The following MRPS11 variants were observed in gnomAD, a reference collection of about 807,000 sequenced individuals.
The protein encoded by MRPS11 is mitochondrial ribosomal protein S11, also known as small ribosomal subunit protein uS11m.
Under a neutral mutation model 24.3 loss-of-function variants are expected in MRPS11, and 27 were observed. The ratio of observed to expected loss-of-function variants is 1.11; its 90% CI spans 0.82 to 1.53. The LOEUF (loss-of-function observed/expected upper bound fraction) is 1.53, where lower values mean the gene tolerates loss of function less well. Ranked by LOEUF, MRPS11 falls within the 40% of genes most tolerant of loss-of-function variation. The pLI, the probability that MRPS11 is intolerant of heterozygous loss-of-function variation, is 0.00. For synonymous variants in MRPS11, 104 were observed against 98.7 expected, an observed-to-expected ratio of 1.05 and a Z score of -0.32; for missense variants, 277 against 256.5, an observed-to-expected ratio of 1.08 and a Z score of -0.55.
chr15:88,475,359 T>C lies in MRPS11; in HGVS notation c.411+120T>C. 1 of 1,386,848 alleles carries C rather than the reference T, an allele frequency of 7.2e-7. No individual in the cohort carries two copies. The highest frequency in any genetic ancestry group is 9.8e-7 in the Non-Finnish European group (1 of 1,017,186). 85.9% of individuals were successfully genotyped at this position (1,386,848 alleles called of 1,614,324 possible). ...GAAGCAAGGGTTTGTCATGGCAGCTTTGATGCCCTGATTGGAGCATTGGTT... is the reference window on the plus strand; with the variant it reads ...GAAGCAAGGGTTTGTCATGGCAGCTCTGATGCCCTGATTGGAGCATTGGTT... On this transcript the variant is annotated intron_variant, in intron 4 of 5. Transcript: ENST00000325844. The surrounding 1 kb of genome is among the most constrained non-coding windows in gnomAD (Gnocchi z 4.1).
Position 88,479,485 on chromosome 15 carries a change from G to A in MRPS11, c.*1506G>A, listed in dbSNP as rs2055889872. ...CAGATGCCCCCTTAAATAGGCAAGAGGCTGTGTTAGGACAAAGAAAGGAGG... is the reference window on the plus strand; with the variant it reads ...CAGATGCCCCCTTAAATAGGCAAGAAGCTGTGTTAGGACAAAGAAAGGAGG... On this transcript the variant is annotated 3_prime_UTR_variant, in exon 6 of 6. Transcript: ENST00000325844. 1 of 152,224 alleles carries A rather than the reference G, an allele frequency of 6.6e-6. No individual in the cohort carries two copies. Among genetic ancestry groups the A allele is most frequent in the South Asian group, 2.1e-4 (1 of 4,836 alleles). 9.4% of individuals were successfully genotyped at this position (152,224 alleles called of 1,614,324 possible).
At position 88,477,727 on chromosome 15, in the gene MRPS11, G is replaced by C; in HGVS notation, c.478-145G>C. ...CCTTTGTGAGAGTAGAATAGGATTG[G>C]GATTATAGGTATCAAAGCCAGTGAG... On this transcript the variant is annotated intron_variant, in intron 5 of 5. Transcript: ENST00000325844. This position sits in a 1 kb window ranked among gnomAD's most constrained non-coding sequence, Gnocchi z 5.7. The C allele has an allele frequency of 4.1e-6, 3 of 725,670 alleles. No homozygotes were observed. The highest frequency in any genetic ancestry group is 7.3e-6 in the Non-Finnish European group (3 of 408,420). The allele number at this position is 725,670 out of a possible 1,614,324, so 45.0% of individuals were successfully genotyped here. A position where few individuals can be genotyped will look rare whatever the true frequency, so the allele number is the denominator to read the frequency against.
intron 2 of MRPS11, 95 bp downstream of exon 2, chr15:88,468,119 T>C (rs1315943070): frequency 6.7e-7 from 1 of 1,499,312 alleles, no homozygotes; most frequent in Non-Finnish European, 9.0e-7. Flanking sequence ...TTCAGCTATG[T>C]CACTTGCTAT....
chr15:88,467,978 A>C lies in MRPS11; in HGVS notation c.136A>C (p.Lys46Gln). ...GARQLQDAAA[K>Q]QKVEQNAAPS... ...TCGACAGCTCCAAGACGCTGCGGCC[A>C]AGCAGAAAGTTGAACAGAACGCGGC... The change falls in exon 2 of 6, where the codon AAG becomes CAG. Residue 46 changes from lysine (K) to glutamine (Q), a missense_variant. Lys to Gln is a moderately conservative substitution (Grantham distance 53). Transcript: ENST00000325844. The C allele has an allele frequency of 6.2e-7, 1 of 1,611,686 alleles. No individual in the cohort carries two copies. Among genetic ancestry groups the C allele is most frequent in the Non-Finnish European group, 8.5e-7 (1 of 1,179,274 alleles).
chr15:88,476,977 G>C lies in MRPS11; in HGVS notation c.412-12G>C. On this transcript the variant is annotated splice_polypyrimidine_tract_variant and intron_variant, in intron 4 of 5. Coordinates refer to ENST00000325844, the MANE Select transcript of MRPS11 (RefSeq NM_022839.5). ...CTCTCTCCGGGGCACTAACCACTCT[G>C]CTTCTCTCCAGAGAGCTAAACAAAA... 3 of 1,611,852 alleles carry C rather than the reference G, an allele frequency of 1.9e-6. No individual in the cohort carries two copies. The highest frequency in any genetic ancestry group is 1.7e-5 in the Admixed American group (1 of 59,894).
At chr15:88,468,056 C>T (rs2055590407) in intron 2 of MRPS11, 32 bp downstream of exon 2, 6 of 1,576,640 alleles carry the variant, frequency 3.8e-6, no homozygotes, top group African/African-American at 1.4e-5. Context: ...CCTCTGGAGA[C>T]CCGCAACCCC....
At chr15:88,476,273 T>C (rs1281246272) in intron 4 of MRPS11, among the ~76,000 whole-genome samples, 129 of 152,200 alleles carry the variant, frequency 8.5e-4, no homozygotes, top group Non-Finnish European at 7.3e-5. Context: ...AGTTCACTGA[T>C]CGGAACCCAG....
chr15:88,472,956 C>G (rs564172861), intron 3 of MRPS11, among the ~76,000 whole-genome samples: 1 of 152,162 alleles, frequency 6.6e-6, no homozygotes, highest in African/African-American at 2.4e-5. Flanking sequence ...TATAAGAATT[C>G]TTTGCTTTCC....
intron 2 of MRPS11, chr15:88,468,234 A>C: frequency 7.1e-7 from 1 of 1,404,126 alleles, no homozygotes; most frequent in African/African-American, 1.4e-5. Context: ...GGTACAGAGT[A>C]AATGTTCAGT....
At position 88,478,092 on chromosome 15, in the gene MRPS11, A is replaced by G. The variant is rs1027109444; in HGVS notation, c.*113A>G. The G allele has an allele frequency of 1.2e-6, 1 of 835,060 alleles. No homozygotes were observed. The highest frequency in any genetic ancestry group is 2.0e-6 in the Non-Finnish European group (1 of 511,668). The allele number at this position is 835,060 out of a possible 1,614,324, so 51.7% of individuals were successfully genotyped here. On this transcript the variant is annotated 3_prime_UTR_variant, in exon 6 of 6. Coordinates refer to ENST00000325844, the MANE Select transcript of MRPS11 (RefSeq NM_022839.5). This position sits in a 1 kb window ranked among gnomAD's most constrained non-coding sequence, Gnocchi z 4.7. ...TATGCTTGTTGGAGATCCTTCAGGCAGTAAGGGAGAGTTTTGCCTCCTTAC... is the reference window on the plus strand; with the variant it reads ...TATGCTTGTTGGAGATCCTTCAGGCGGTAAGGGAGAGTTTTGCCTCCTTAC...
intron 2 of MRPS11, chr15:88,468,289 TGTATCAGC>T: frequency 1.6e-6 from 2 of 1,262,792 alleles, no homozygotes; most frequent in East Asian, 7.3e-5. Flanking sequence ...ATCCATAACA[TGTATCAGC>T]GTTCTTTTCT....
In MRPS11 at chr15:88,467,775, A is replaced by T; in HGVS notation, c.58A>T (p.Thr20Ser). 1.2e-6 allele frequency: 2 copies of T among 1,614,084 alleles called. No individual in the cohort carries two copies. Among genetic ancestry groups the T allele is most frequent in the Non-Finnish European group, 1.7e-6 (2 of 1,180,028 alleles). The change falls in exon 1 of 6, where the codon ACA becomes TCA. Residue 20 changes from threonine (T) to serine (S), a missense_variant. Transcript: ENST00000325844. The part of the protein sequence containing the change: ...RFLRSWTWPQ[T>S]AGRVVARTPA... ...CCTGCGGTCCTGGACTTGGCCCCAGACAGCCGGGTAACAAATGACTGCCCC... is the reference window on the plus strand; with the variant it reads ...CCTGCGGTCCTGGACTTGGCCCCAGTCAGCCGGGTAACAAATGACTGCCCC...
Position 88,479,802 on chromosome 15 carries a change from A to G in MRPS11, c.*1823A>G, listed in dbSNP as rs926682978. On this transcript the variant is annotated 3_prime_UTR_variant, in exon 6 of 6. Coordinates refer to ENST00000325844, the MANE Select transcript of MRPS11 (RefSeq NM_022839.5). ...CAGACAGTTCAATCAGGGTCTGAGCAGGAAACAGCTCACAAGGTTTAAGAG... is the reference window on the plus strand; with the variant it reads ...CAGACAGTTCAATCAGGGTCTGAGCGGGAAACAGCTCACAAGGTTTAAGAG... 6.6e-6 allele frequency: 1 copy of G among 152,278 alleles called. No homozygotes were observed. Among genetic ancestry groups the G allele is most frequent in the African/African-American group, 2.4e-5 (1 of 41,480 alleles). The allele number at this position is 152,278 out of a possible 1,614,324, so 9.4% of individuals were successfully genotyped here.
chr15:88,467,835 T>G, intron 1 of MRPS11, 53 bp downstream of exon 1: 2 of 1,613,246 alleles, frequency 1.2e-6, no homozygotes, highest in Non-Finnish European at 1.7e-6. Context: ...ACTATGCTCC[T>G]ACTCGTGTCC....
In MRPS11 at chr15:88,475,231, G is replaced by T. The variant is rs138959508; in HGVS notation, c.403G>T (p.Ala135Ser). ...GIAAQTAGIAAAARAKQKGVI... is the reference protein window; with the variant it reads ...GIAAQTAGIASAARAKQKGVI... ...CGCAGCACAGACAGCAGGCATAGCC[G>T]CAGCGGCGGTAAGTGTGTGTTCCTT... Residue 135 changes from alanine (A) to serine (S), a missense_variant, in exon 4 of 6, where the codon GCA becomes TCA. Physicochemically the swap from Ala to Ser is moderately conservative, Grantham distance 99. Coordinates refer to ENST00000325844, the MANE Select transcript of MRPS11 (RefSeq NM_022839.5). The surrounding 1 kb of genome is among the most constrained non-coding windows in gnomAD (Gnocchi z 4.1). 6.2e-7 allele frequency: 1 copy of T among 1,614,184 alleles called. No homozygotes were observed. The highest frequency in any genetic ancestry group is 2.2e-5 in the East Asian group (1 of 44,884).
At position 88,467,809 on chromosome 15, in the gene MRPS11, C is replaced by T. The variant is rs28667315; in HGVS notation, c.65+27C>T. ...TAACAAATGACTGCCCCCTCGAGCC[C>T]ACCGCCACCTCCAGGACTATGCTCC... is the stretch of plus-strand genomic sequence containing the variant. On this transcript the variant is annotated intron_variant, in intron 1 of 5. Coordinates refer to ENST00000325844, the MANE Select transcript of MRPS11 (RefSeq NM_022839.5). 21,021 of 1,613,838 alleles carry T rather than the reference C, an allele frequency of 0.013. 2,172 individuals carry two copies. In the African/African-American group the frequency reaches 0.23, roughly 18 times the overall value.
chr15:88,467,987 G>A lies in MRPS11; in HGVS notation c.145G>A (p.Val49Ile). 5 of 1,610,444 alleles carry A rather than the reference G, an allele frequency of 3.1e-6. No individual in the cohort carries two copies. The highest frequency in any genetic ancestry group is 4.2e-6 in the Non-Finnish European group (5 of 1,178,688). ...QLQDAAAKQKVEQNAAPSHTK... is the reference protein window; with the variant it reads ...QLQDAAAKQKIEQNAAPSHTK... The stretch of plus-strand genomic sequence containing the variant: ...CCAAGACGCTGCGGCCAAGCAGAAA[G>A]TTGAACAGAACGCGGCTCCCAGCCA... Residue 49 changes from valine to isoleucine, a missense_variant, in exon 2 of 6, where the codon GTT (valine) becomes ATT (isoleucine). Coordinates refer to ENST00000325844, the MANE Select transcript of MRPS11 (RefSeq NM_022839.5).
In MRPS11 at chr15:88,477,731, T is replaced by G. The variant is rs2055851166; in HGVS notation, c.478-141T>G. ...TGTGAGAGTAGAATAGGATTGGGAT[T>G]ATAGGTATCAAAGCCAGTGAGCATC... On this transcript the variant is annotated intron_variant, in intron 5 of 5. Coordinates refer to ENST00000325844, the MANE Select transcript of MRPS11 (RefSeq NM_022839.5). The surrounding 1 kb of genome is among the most constrained non-coding windows in gnomAD (Gnocchi z 5.7). The G allele has an allele frequency of 1.4e-6, 1 of 732,344 alleles. No homozygotes were observed. The highest frequency in any genetic ancestry group is 2.4e-6 in the Non-Finnish European group (1 of 413,512). 45.4% of individuals were successfully genotyped at this position (732,344 alleles called of 1,614,324 possible).
At chr15:88,468,443 C>T in intron 2 of MRPS11, 7 of 1,028,490 alleles carry the variant, frequency 6.8e-6, no homozygotes, top group Non-Finnish European at 8.2e-6. Context: ...GTGCTCAGCC[C>T]TAGGAACTGG....
Sources: allele counts gnomAD v4.1 joint callset (sites outside exome capture counted in the v4.1 genomes callset), GRCh38; gene constraint gnomAD v4.1.1; non-coding constraint Gnocchi (gnomAD v3.1); transcripts MANE v1.5; gene names NCBI Gene and HGNC (gene_info 2026-07-23, HGNC 2026-07-21).